The following PTPRD variants were observed in gnomAD, a reference collection of about 807,000 sequenced individuals.
PTPRD encodes the protein protein tyrosine phosphatase receptor type D.
PTPRD carries 34 observed loss-of-function variants against 214.5 expected under a neutral mutation model. That is an observed-to-expected ratio of 0.16 (90% CI 0.12 to 0.21). PTPRD has a LOEUF of 0.21. PTPRD is among the 10% of genes least tolerant of loss of function. The pLI is 1.00. For missense variants in PTPRD, 2,545 were observed against 2,398.7 expected, an observed-to-expected ratio of 1.06 and a Z score of -1.27; for synonymous variants, 1,128 against 845.7, an observed-to-expected ratio of 1.33 and a Z score of -5.79.
chr9:8,747,935 T>C (rs1050972792), intron 11 of PTPRD, among the ~76,000 whole-genome samples: 2 of 152,204 alleles, frequency 1.3e-5, no homozygotes, highest in African/African-American at 4.8e-5. Context: ...CCTTGTTAAG[T>C]GTGTCTCTTC....
chr9:8,737,857 G>C (rs1041106462), intron 11 of PTPRD, among the ~76,000 whole-genome samples: 8 of 152,056 alleles, frequency 5.3e-5, no homozygotes, highest in African/African-American at 1.9e-4. Flanking sequence ...CACCATATTG[G>C]TCAGGCTGAT....
chr9:8,817,876 G>T (rs900773047), intron 11 of PTPRD, among the ~76,000 whole-genome samples: 1 of 152,058 alleles, frequency 6.6e-6, no homozygotes, highest in Non-Finnish European at 1.5e-5. Context: ...ACTAAGACTG[G>T]GTTGGAAATA....
chr9:10,584,625 T>C (rs2073291385), intron 2 of PTPRD, among the ~76,000 whole-genome samples: 1 of 152,154 alleles, frequency 6.6e-6, no homozygotes. Flanking sequence ...CCATTTTTCC[T>C]CTCTATGATA....
intron 9 of PTPRD, among the ~76,000 whole-genome samples, chr9:9,359,954 A>C (rs1191078172): frequency 2.0e-5 from 3 of 151,312 alleles, no homozygotes; most frequent in Admixed American, 6.6e-5. Flanking sequence ...ATTATAACTT[A>C]AGAAAACATT....
chr9:8,564,881 C>T (rs573533755), intron 14 of PTPRD, among the ~76,000 whole-genome samples: 1 of 151,792 alleles, frequency 6.6e-6, no homozygotes, highest in African/African-American at 2.4e-5. Flanking sequence ...ATAATCTAAG[C>T]AAAATAAATA....
chr9:9,100,241 T>C (rs2099789442), intron 10 of PTPRD, among the ~76,000 whole-genome samples: 1 of 152,130 alleles, frequency 6.6e-6, no homozygotes, highest in Non-Finnish European at 1.5e-5. Flanking sequence ...TAAATATGCC[T>C]ACCAGCCTAT....
At chr9:10,590,833 G>C (rs543137947) in intron 2 of PTPRD, among the ~76,000 whole-genome samples, 37 of 151,632 alleles carry the variant, frequency 2.4e-4, no homozygotes, top group African/African-American at 8.4e-4. Context: ...AACTACATAA[G>C]TCACTATTAG....
intron 5 of PTPRD, among the ~76,000 whole-genome samples, chr9:9,856,616 A>T (rs2061601166): frequency 3.0e-5 from 1 of 33,702 alleles, no homozygotes; most frequent in African/African-American, 4.3e-5. Context: ...ATGAATTGTT[A>T]AAAAAAAAGA....
intron 39 of PTPRD, among the ~76,000 whole-genome samples, chr9:8,358,026 A>G (rs2077415024): frequency 6.6e-6 from 1 of 152,298 alleles, no homozygotes; most frequent in East Asian, 1.9e-4. Flanking sequence ...CATACAGATC[A>G]TTATACCCTT....
At chr9:10,281,651 C>A (rs1257057735) in intron 3 of PTPRD, among the ~76,000 whole-genome samples, 1 of 152,144 alleles carries the variant, frequency 6.6e-6, no homozygotes, top group African/African-American at 2.4e-5. Context: ...TAGTAATAGA[C>A]CATACATATG....
intron 14 of PTPRD, among the ~76,000 whole-genome samples, chr9:8,589,160 A>G (rs537618506): frequency 6.6e-6 from 1 of 152,210 alleles, no homozygotes; most frequent in South Asian, 2.1e-4. Flanking sequence ...TCTTACAGGA[A>G]TTTATTCTGG....
At chr9:9,471,855 A>AT in intron 8 of PTPRD, among the ~76,000 whole-genome samples, 1 of 152,254 alleles carries the variant, frequency 6.6e-6, no homozygotes, top group East Asian at 1.9e-4. Context: ...TTATACATTT[A>AT]AATGGTCACA....
intron 4 of PTPRD, among the ~76,000 whole-genome samples, chr9:9,946,382 G>C (rs542042974): frequency 6.6e-6 from 1 of 152,200 alleles, no homozygotes; most frequent in Non-Finnish European, 1.5e-5. Context: ...AAAACATCTA[G>C]CTTAGTGAGT....
chr9:9,102,441 C>G (rs578152481), intron 10 of PTPRD, among the ~76,000 whole-genome samples: 2 of 152,278 alleles, frequency 1.3e-5, no homozygotes, highest in South Asian at 2.1e-4. Flanking sequence ...TCCAAGTCAT[C>G]CAAAGATAAC....
At chr9:8,813,838 G>A (rs1411560680) in intron 11 of PTPRD, among the ~76,000 whole-genome samples, 1 of 152,202 alleles carries the variant, frequency 6.6e-6, no homozygotes, top group Non-Finnish European at 1.5e-5. Context: ...GGCTTACTGA[G>A]GAAGAAATTT....
rs531933573 is a variant in PTPRD, at chr9:10,441,295, A to G, written c.-599-100278T>C. Among the ~76,000 whole-genome samples the G allele has an allele frequency of 1.4e-3, 219 of 151,848 alleles. 1 individual carries two copies. Among genetic ancestry groups the G allele is most frequent in the African/African-American group, 3.9e-3 (160 of 41,518 alleles). ...GCCTTTCCTGATTTGATCTGTATTT[A>G]TCTCTTTACAAGTACTAAGAGACCA... On this transcript the variant is annotated intron_variant, in intron 2 of 45. Transcript: ENST00000381196.
chr9:10,479,518 A>G (rs1262063162), intron 2 of PTPRD, among the ~76,000 whole-genome samples: 1 of 152,064 alleles, frequency 6.6e-6, no homozygotes, highest in East Asian at 1.9e-4. Context: ...ATGCAGACAG[A>G]ATATACTTTG....
intron 5 of PTPRD, among the ~76,000 whole-genome samples, chr9:9,843,662 C>A (rs1261322106): frequency 6.6e-6 from 1 of 151,830 alleles, no homozygotes; most frequent in Non-Finnish European, 1.5e-5. Flanking sequence ...ATGAATATTT[C>A]TCGATCTTTG....
At position 8,415,122 on chromosome 9, in the gene PTPRD, C is replaced by T. The variant is rs1464331633; in HGVS notation, c.4087-10462G>A. 5.9e-5 allele frequency among the ~76,000 whole-genome samples: 9 copies of T among 152,296 alleles called. No individual in the cohort carries two copies. In the South Asian group the frequency reaches 1.2e-3, roughly 21 times the overall value. ...ACACTATTGATGCAGCAATGAGATA[C>T]TGAATCCAGAATGAGAGAAGGTAGC... On this transcript the variant is annotated intron_variant, in intron 35 of 45. Coordinates refer to ENST00000381196, the MANE Select transcript of PTPRD (RefSeq NM_002839.4).
Sources: gnomAD v4.1 joint callset for allele counts (sites outside exome capture counted in the v4.1 genomes callset) on GRCh38, gnomAD v4.1.1 for gene constraint, MANE v1.5 for transcripts, NCBI Gene and HGNC (gene_info 2026-07-23, HGNC 2026-07-21) for gene names.